Variants in CNTNAP3 observed in about 807,000 individuals in gnomAD.
CNTNAP3 encodes contactin-associated protein-like 3.
Under a neutral mutation model 92.1 loss-of-function variants are expected in CNTNAP3, and 36 were observed. That is an observed-to-expected ratio of 0.39 (90% CI 0.30 to 0.52). The LOEUF (loss-of-function observed/expected upper bound fraction) is 0.52, where lower values mean the gene tolerates loss of function less well. CNTNAP3 is among the 20% of genes least tolerant of loss of function. The pLI is 0.76. For missense variants in CNTNAP3, 534 were observed against 1,069.6 expected (o/e 0.50, Z 6.98); for synonymous variants, 232 against 422.3 (o/e 0.55, Z 5.53).
chr9:39,067,042 GT>G lies in CNTNAP3; in HGVS notation c.*6847del, dbSNP rs1251134728. Among the ~76,000 whole-genome samples, 2 of 93,902 alleles carry G rather than the reference GT, an allele frequency of 2.1e-5. No homozygotes were observed. The highest frequency in any genetic ancestry group is 9.5e-5 in the Admixed American group (1 of 10,502). The allele number at this position is 93,902 out of a possible 152,430, so 61.6% of individuals were successfully genotyped here. A position where few individuals can be genotyped will look rare whatever the true frequency, so the allele number is the denominator to read the frequency against. On this transcript the variant is annotated 3_prime_UTR_variant, in exon 24 of 24. Transcript: ENST00000297668. Reference sequence around the variant, plus strand: ...ATCACCGATACTCTGATTATTCTTTGTTTTTTTTCTGTCTCTGTTTCATTTT... The same window carrying G: ...ATCACCGATACTCTGATTATTCTTTGTTTTTTTCTGTCTCTGTTTCATTTT...
intron 2 of CNTNAP3, among the ~76,000 whole-genome samples, chr9:39,259,197 C>A (rs1171912064): frequency 4.3e-5 from 1 of 23,384 alleles, no homozygotes; most frequent in Non-Finnish European, 9.9e-5. Flanking sequence ...CCCGGTCCTG[C>A]ACAGAAGTTT....
At chr9:39,102,305 AC>A (rs1826481359) in intron 17 of CNTNAP3, among the ~76,000 whole-genome samples, 191 bp downstream of exon 17, 1 of 152,284 alleles carries the variant, frequency 6.6e-6, no homozygotes, top group South Asian at 2.1e-4. Context: ...ACAAAAACAA[AC>A]AAACAAAAAA....
At chr9:39,163,557 G>T (rs191178718) in intron 9 of CNTNAP3, among the ~76,000 whole-genome samples, 1 of 109,164 alleles carries the variant, frequency 9.2e-6, no homozygotes, top group Admixed American at 9.3e-5. Context: ...TGGCACAGTG[G>T]CTCATGTCTG....
Position 39,073,797 on chromosome 9 carries a change from A to G in CNTNAP3, c.*93T>C. The G allele has an allele frequency of 6.3e-7, 1 of 1,596,518 alleles. No individual in the cohort carries two copies. Among genetic ancestry groups the G allele is most frequent in the East Asian group, 2.2e-5 (1 of 44,890 alleles). On this transcript the variant is annotated 3_prime_UTR_variant, in exon 24 of 24. Transcript: ENST00000297668. ...AGCAGGGAAGTCCACAGTCACGATGATAGAGACAGCCACAGCTGCCAATCA... is the reference window on the plus strand; with the variant it reads ...AGCAGGGAAGTCCACAGTCACGATGGTAGAGACAGCCACAGCTGCCAATCA...
chr9:39,076,649 T>A (rs1315628110), intron 23 of CNTNAP3, among the ~76,000 whole-genome samples: 1 of 152,306 alleles, frequency 6.6e-6, no homozygotes, highest in Non-Finnish European at 1.5e-5. Context: ...CTATGGAGAG[T>A]CTGCAGAATA....
At position 39,067,302 on chromosome 9, in the gene CNTNAP3, G is replaced by C. The variant is rs1285559816; in HGVS notation, c.*6588C>G. 7.2e-5 allele frequency among the ~76,000 whole-genome samples: 11 copies of C among 152,422 alleles called. No homozygotes were observed. The highest frequency in any genetic ancestry group is 1.3e-4 in the Non-Finnish European group (9 of 68,044). On this transcript the variant is annotated 3_prime_UTR_variant, in exon 24 of 24. Coordinates refer to ENST00000297668, the MANE Select transcript of CNTNAP3 (RefSeq NM_033655.5). Reference sequence around the variant, plus strand: ...TCTGGGTATGTGCTGGGTCATTTTAGATTGATTTTTATCCTCATTATAGGT... The same window carrying C: ...TCTGGGTATGTGCTGGGTCATTTTACATTGATTTTTATCCTCATTATAGGT...
intron 18 of CNTNAP3, among the ~76,000 whole-genome samples, chr9:39,099,437 A>G (rs1268484346): frequency 2.6e-5 from 4 of 152,184 alleles, no homozygotes; most frequent in African/African-American, 9.6e-5. Context: ...AGACATTTCT[A>G]TAAAGGCCTT....
rs550398221 is a variant in CNTNAP3, at chr9:39,119,528, G to A, written c.2081-1269C>T. ...TTACCGACTTCACCATTAAACTGTC[G>A]CAGATTAAAGAGCAAAACACTCACT... On this transcript the variant is annotated intron_variant, in intron 13 of 23. Coordinates refer to ENST00000297668, the MANE Select transcript of CNTNAP3 (RefSeq NM_033655.5). Among the ~76,000 whole-genome samples the A allele has an allele frequency of 3.2e-3, 481 of 152,152 alleles. 6 individuals are homozygous for A. The highest frequency in any genetic ancestry group is 0.011 in the African/African-American group (462 of 41,510).
rs2774114 is a variant in CNTNAP3 at position 39,159,635 on chromosome 9, G to T, written c.1477+6298C>A. On this transcript the variant is annotated intron_variant, in intron 9 of 23. Transcript: ENST00000297668. ...GCGTGGGCCACCACGCCTGGAGATA[G>T]ATAGATAGATAGATAGATAGATAGA... The T allele has an allele frequency of 2.5e-3, 326 of 132,580 alleles. 5 individuals carry two copies. The highest frequency in any genetic ancestry group is 0.01 in the African/African-American group (303 of 30,100). The allele number at this position is 132,580 out of a possible 1,614,324, so 8.2% of individuals were successfully genotyped here.
chr9:39,114,166 T>C (rs1407729671), intron 14 of CNTNAP3, among the ~76,000 whole-genome samples: 2 of 150,374 alleles, frequency 1.3e-5, no homozygotes. Flanking sequence ...CACTGTAAGC[T>C]CTGCCTTCCA....
intron 15 of CNTNAP3, among the ~76,000 whole-genome samples, chr9:39,108,434 G>A (rs1417907297): frequency 6.6e-6 from 1 of 152,162 alleles, no homozygotes; most frequent in Non-Finnish European, 1.5e-5. Flanking sequence ...AGAGGCTCAG[G>A]CTCCTTGGTG....
intron 12 of CNTNAP3, among the ~76,000 whole-genome samples, chr9:39,135,338 T>A (rs1419037972): frequency 6.6e-6 from 1 of 151,974 alleles, no homozygotes; most frequent in Non-Finnish European, 1.5e-5. Flanking sequence ...AGTGGCACCT[T>A]CATAGTTTAC....
intron 23 of CNTNAP3, among the ~76,000 whole-genome samples, chr9:39,075,508 G>C (rs1339910170): frequency 1.3e-5 from 2 of 152,214 alleles, no homozygotes; most frequent in Non-Finnish European, 1.5e-5. Context: ...CAAATATTTT[G>C]AAGTAAAGGC....
At chr9:39,108,119 T>C (rs537788320) in intron 15 of CNTNAP3, among the ~76,000 whole-genome samples, 1 of 152,168 alleles carries the variant, frequency 6.6e-6, no homozygotes, top group Non-Finnish European at 1.5e-5. Flanking sequence ...GTCAGAATAT[T>C]TGCATTGGTT....
At chr9:39,124,272 A>T (rs750633066) in intron 13 of CNTNAP3, among the ~76,000 whole-genome samples, 1 of 152,194 alleles carries the variant, frequency 6.6e-6, no homozygotes, top group Non-Finnish European at 1.5e-5. Context: ...TAAAACAATG[A>T]CCAAGAAATG....
chr9:39,077,387 C>T (rs1293961985), intron 23 of CNTNAP3, among the ~76,000 whole-genome samples: 10 of 151,678 alleles, frequency 6.6e-5, no homozygotes, highest in African/African-American at 2.4e-4. Flanking sequence ...TGAAACCCCG[C>T]CTCTACTAAA....
At chr9:39,076,690 C>T (rs533683518) in intron 23 of CNTNAP3, among the ~76,000 whole-genome samples, 584 of 151,830 alleles carry the variant, frequency 3.8e-3, no homozygotes, top group African/African-American at 0.013. Context: ...ATAACTCGGC[C>T]GGGCATGGTG....
intron 15 of CNTNAP3, among the ~76,000 whole-genome samples, chr9:39,105,135 T>C (rs1177066978): frequency 6.6e-6 from 1 of 152,136 alleles, no homozygotes; most frequent in Non-Finnish European, 1.5e-5. Flanking sequence ...CCGTCAGAAA[T>C]AGCTTTTCTC....
chr9:39,151,746 GTATAT>G (rs1406110862), intron 9 of CNTNAP3, among the ~76,000 whole-genome samples: 1 of 147,834 alleles, frequency 6.8e-6, no homozygotes, highest in Non-Finnish European at 1.5e-5. Flanking sequence ...TAACTAAATT[GTATAT>G]TATGAAATTA....
Sources: gnomAD v4.1 joint callset for allele counts (sites outside exome capture counted in the v4.1 genomes callset) on GRCh38, gnomAD v4.1.1 for gene constraint, MANE v1.5 for transcripts, NCBI Gene and HGNC (gene_info 2026-07-23, HGNC 2026-07-21) for gene names.